Variants in SMC2 observed in about 807,000 individuals in gnomAD.
SMC2 encodes the protein structural maintenance of chromosomes 2, also known as structural maintenance of chromosomes protein 2.
Under a neutral mutation model 142.6 loss-of-function variants are expected in SMC2, and 41 were observed. That is an observed-to-expected ratio of 0.29 (90% CI 0.22 to 0.37). The LOEUF (loss-of-function observed/expected upper bound fraction) is 0.37, where lower values mean the gene tolerates loss of function less well. Ranked by LOEUF, SMC2 falls within the 10% of genes least tolerant of loss-of-function variation. The probability of loss-of-function intolerance (pLI) is 1.00; values close to 1 mark genes in which losing one functional copy is unlikely to be tolerated. For missense variants in SMC2, 1,265 were observed against 1,373.7 expected (o/e 0.92, Z 1.25); for synonymous variants, 463 against 457.5 (o/e 1.01, Z -0.15).
intron 7 of SMC2, among the ~76,000 whole-genome samples, 196 bp from the exon 8 acceptor site, chr9:104,101,764 C>G (rs943931197): frequency 6.6e-6 from 1 of 152,136 alleles, no homozygotes; most frequent in Admixed American, 6.5e-5. Flanking sequence ...AAATAAGATT[C>G]ACTAGAGATG....
intron 3 of SMC2, among the ~76,000 whole-genome samples, chr9:104,097,256 C>A (rs145094421): frequency 3.8e-4 from 58 of 150,820 alleles, no homozygotes; most frequent in African/African-American, 1.4e-3. Context: ...ACCACCACAC[C>A]CGGCTAATTT....
rs1830372746 is a variant in SMC2 at position 104,095,655 on chromosome 9, T to G, written c.168+103T>G. The G allele has an allele frequency of 1.6e-5, 14 of 864,810 alleles. No homozygotes were observed. In the South Asian group the frequency reaches 2.2e-4, roughly 14 times the overall value. The allele number at this position is 864,810 out of a possible 1,614,324, so 53.6% of individuals were successfully genotyped here. A position where few individuals can be genotyped will look rare whatever the true frequency, so the allele number is the denominator to read the frequency against. The stretch of plus-strand genomic sequence containing the variant: ...ATTCTCTTCATTTGTGTTTTTATAC[T>G]TTTTGTAAATTACACCTCACTGCAA... On this transcript the variant is annotated intron_variant, in intron 2 of 24. Transcript: ENST00000374793.
At position 104,099,530 on chromosome 9, in the gene SMC2, CA is replaced by C. The variant is rs1234658157; in HGVS notation, c.442-111del. 12 of 667,500 alleles carry C rather than the reference CA, an allele frequency of 1.8e-5. No individual in the cohort carries two copies. The Admixed American group carries it at 3.3e-4, about 18-fold the overall frequency. 41.3% of individuals were successfully genotyped at this position (667,500 alleles called of 1,614,324 possible). A position where few individuals can be genotyped will look rare whatever the true frequency, so the allele number is the denominator to read the frequency against. On this transcript the variant is annotated intron_variant, in intron 4 of 24. Transcript: ENST00000374793. The stretch of plus-strand genomic sequence containing the variant: ...AAGAATTATAGAGGAAAGACCCCCC[CA>C]AAGATTGGTATATTGAGATACAACA...
intron 20 of SMC2, among the ~76,000 whole-genome samples, chr9:104,129,128 C>A (rs1018399680): frequency 1.6e-4 from 25 of 152,192 alleles, no homozygotes; most frequent in African/African-American, 6.0e-4. Context: ...AGATCTTTTG[C>A]TATACAGTGT....
intron 5 of SMC2, 44 bp from the exon 6 acceptor site, chr9:104,100,049 C>T: frequency 9.4e-7 from 1 of 1,068,958 alleles, no homozygotes; most frequent in South Asian, 1.5e-5. Flanking sequence ...TCCAGTTGGA[C>T]ACATTGTCTT....
chr9:104,114,996 G>A (rs944588837), intron 13 of SMC2, among the ~76,000 whole-genome samples, 167 bp downstream of exon 13: 1 of 152,132 alleles, frequency 6.6e-6, no homozygotes, highest in South Asian at 2.1e-4. Context: ...TCCAAAGGAG[G>A]TCTCATGCTT....
At position 104,129,467 on chromosome 9, in the gene SMC2, A is replaced by G. The variant is rs777081628; in HGVS notation, c.2791-178A>G. 1.3e-5 allele frequency among the ~76,000 whole-genome samples: 2 copies of G among 150,722 alleles called. 1 individual carries two copies. Among genetic ancestry groups the G allele is most frequent in the Admixed American group, 1.3e-4 (2 of 15,048 alleles). On this transcript the variant is annotated intron_variant, in intron 20 of 24. Coordinates refer to ENST00000374793, the MANE Select transcript of SMC2 (RefSeq NM_006444.3). ...CGGTCAGCCAAGATCGCGCCATTGCACTCCAGCTTGGGCAACAAGAGTGAA... is the reference window on the plus strand; with the variant it reads ...CGGTCAGCCAAGATCGCGCCATTGCGCTCCAGCTTGGGCAACAAGAGTGAA...
chr9:104,111,451 T>G, intron 9 of SMC2, 130 bp from the exon 10 acceptor site: 1 of 593,974 alleles, frequency 1.7e-6, no homozygotes. Flanking sequence ...TATAAAGTTA[T>G]GATGGTTAAA....
rs1284815922 is a variant in SMC2 at position 104,140,665 on chromosome 9, G to T, written c.*1350G>T. 1 of 152,586 alleles carries T rather than the reference G, an allele frequency of 6.6e-6. No homozygotes were observed. The highest frequency in any genetic ancestry group is 1.5e-5 in the Non-Finnish European group (1 of 68,032). 9.5% of individuals were successfully genotyped at this position (152,586 alleles called of 1,614,324 possible). A position where few individuals can be genotyped will look rare whatever the true frequency, so the allele number is the denominator to read the frequency against. ...TCTGGAATTAGTTCTGTCCACTGTG[G>T]AGGGGAGAGGAAATAATGCTGTAAA... On this transcript the variant is annotated 3_prime_UTR_variant, in exon 25 of 25. Coordinates refer to ENST00000374793, the MANE Select transcript of SMC2 (RefSeq NM_006444.3).
intron 16 of SMC2, among the ~76,000 whole-genome samples, chr9:104,120,655 A>G (rs1344448702): frequency 2.0e-5 from 3 of 152,182 alleles, no homozygotes; most frequent in Non-Finnish European, 4.4e-5. Flanking sequence ...TCAGCACTAA[A>G]ATTTCAGTGT....
intron 13 of SMC2, among the ~76,000 whole-genome samples, chr9:104,115,231 C>G (rs1832951495): frequency 6.6e-6 from 1 of 150,908 alleles, no homozygotes; most frequent in Non-Finnish European, 1.5e-5. Context: ...TAGTCATTGT[C>G]AAATTTACTT....
chr9:104,117,768 A>G (rs564345949), intron 14 of SMC2, among the ~76,000 whole-genome samples: 22 of 152,296 alleles, frequency 1.4e-4, no homozygotes, highest in African/African-American at 5.1e-4. Flanking sequence ...CAACCACTGT[A>G]ATACAAATAT....
At chr9:104,108,348 G>T (rs1436792343) in intron 9 of SMC2, among the ~76,000 whole-genome samples, 1 of 152,142 alleles carries the variant, frequency 6.6e-6, no homozygotes, top group Non-Finnish European at 1.5e-5. Flanking sequence ...TAGCCATTTG[G>T]ATCCACAGTG....
At position 104,129,735 on chromosome 9, in the gene SMC2, A is replaced by C; in HGVS notation, c.2881A>C (p.Asn961His). 1 of 1,613,978 alleles carries C rather than the reference A, an allele frequency of 6.2e-7. No homozygotes were observed. ...PNSAYDFKTN[N>H]PKEAGQRLQK... Reference sequence around the variant, plus strand: ...TAGTGCCTATGATTTCAAAACTAACAACCCTAAAGAAGCTGGTCAGAGACT... The same window carrying C: ...TAGTGCCTATGATTTCAAAACTAACCACCCTAAAGAAGCTGGTCAGAGACT... Residue 961 changes from asparagine (N) to histidine (H), a missense_variant, in exon 21 of 25, where the codon AAC becomes CAC. This residue lies in a region of SMC2 where 898 missense variants were observed against 904.2 expected (regional missense o/e 0.99). Transcript: ENST00000374793.
rs780698253 is a variant in SMC2, at chr9:104,125,089, T to A, written c.2435T>A (p.Met812Lys). ...KTKADASSKK[M>K]KEKQQEVEAI... ...AAGGCAGATGCATCTAGCAAGAAGATGAAAGAAAAACAACAGGTAATAACT... is the reference window on the plus strand; with the variant it reads ...AAGGCAGATGCATCTAGCAAGAAGAAGAAAGAAAAACAACAGGTAATAACT... Residue 812 changes from methionine (M) to lysine (K), a missense_variant, in exon 18 of 25, where the codon ATG becomes AAG. By Grantham distance (95) the Met-to-Lys change is moderately conservative. Coordinates refer to ENST00000374793, the MANE Select transcript of SMC2 (RefSeq NM_006444.3). 16 of 1,573,158 alleles carry A rather than the reference T, an allele frequency of 1.0e-5. No homozygotes were observed. The highest frequency in any genetic ancestry group is 1.4e-5 in the African/African-American group (1 of 72,204).
chr9:104,111,766 G>A lies in SMC2; in HGVS notation c.1206G>A (p.Met402Ile). 1.9e-6 allele frequency: 3 copies of A among 1,613,978 alleles called. No homozygotes were observed. The highest frequency in any genetic ancestry group is 1.7e-5 in the Admixed American group (1 of 60,022). Residue 402 changes from methionine to isoleucine, a missense_variant, in exon 10 of 25, where the codon ATG (methionine) becomes ATA (isoleucine). By Grantham distance (10) the Met-to-Ile change is conservative (BLOSUM62 1). Coordinates refer to ENST00000374793, the MANE Select transcript of SMC2 (RefSeq NM_006444.3). The stretch of plus-strand genomic sequence containing the variant: ...CAGAAGCAACTCTTGCTGGTCAAAT[G>A]ATGGCCTGTAAAAATGATATAAGTA... ...DGAEATLAGQ[M>I]MACKNDISKA... is the part of the protein sequence containing the mutation.
upstream of SMC2, among the ~76,000 whole-genome samples, chr9:104,093,723 A>T (rs944821194): frequency 1.3e-5 from 2 of 152,202 alleles, no homozygotes; most frequent in Admixed American, 1.3e-4. Flanking sequence ...TCCGACGTGG[A>T]AACTTCAGAT....
At chr9:104,119,139 C>G (rs1215397433) in intron 15 of SMC2, among the ~76,000 whole-genome samples, 1 of 152,056 alleles carries the variant, frequency 6.6e-6, no homozygotes, top group Non-Finnish European at 1.5e-5. Context: ...TTAGCCGGTT[C>G]AGTGAATTCC....
At chr9:104,136,668 T>G (rs1835564320) in intron 23 of SMC2, among the ~76,000 whole-genome samples, 1 of 151,106 alleles carries the variant, frequency 6.6e-6, no homozygotes, top group Non-Finnish European at 1.5e-5. Flanking sequence ...GAAACATAAT[T>G]TTAGGTTGGC....
Sources: allele counts gnomAD v4.1 joint callset (sites outside exome capture counted in the v4.1 genomes callset), GRCh38; gene constraint gnomAD v4.1.1; regional missense constraint gnomAD v4.1.1; transcripts MANE v1.5; gene names NCBI Gene and HGNC (gene_info 2026-07-23, HGNC 2026-07-21).